The following TMEM116 variants were observed in gnomAD, a reference collection of about 807,000 sequenced individuals.
TMEM116 encodes transmembrane protein 116.
Under a neutral mutation model 44.3 loss-of-function variants are expected in TMEM116, and 38 were observed. That is an observed-to-expected ratio of 0.86 (90% CI 0.66 to 1.12). TMEM116 has a LOEUF of 1.12. Ranked by LOEUF, TMEM116 falls within the 50% of genes most tolerant of loss-of-function variation. The probability of loss-of-function intolerance (pLI) is 0.00; values close to 1 mark genes in which losing one functional copy is unlikely to be tolerated. For synonymous variants in TMEM116, 132 were observed against 144.8 expected (o/e 0.91, Z 0.64); for missense variants, 354 against 401.7 (o/e 0.88, Z 1.01).
At chr12:111,959,576 A>G (rs2074421555) in intron 4 of TMEM116, among the ~76,000 whole-genome samples, 1 of 152,206 alleles carries the variant, frequency 6.6e-6, no homozygotes, top group African/African-American at 2.4e-5. Flanking sequence ...GTCAAGACCC[A>G]TTGGTGTACT....
chr12:111,944,146 T>C (rs2073070201), intron 4 of TMEM116, among the ~76,000 whole-genome samples: 1 of 152,082 alleles, frequency 6.6e-6, no homozygotes, highest in Non-Finnish European at 1.5e-5. Context: ...ATCAAGGAAC[T>C]AGTAGGATAA....
At chr12:111,993,921 G>A in intron 3 of TMEM116, 1 of 697,216 alleles carries the variant, frequency 1.4e-6, no homozygotes, top group Non-Finnish European at 2.7e-6. Context: ...GGAAGGGAAT[G>A]TTTGTCTGTA....
At chr12:112,001,940 A>G (rs1593659618) in intron 3 of TMEM116, among the ~76,000 whole-genome samples, 1 of 152,182 alleles carries the variant, frequency 6.6e-6, no homozygotes, top group Non-Finnish European at 1.5e-5. Flanking sequence ...GCTGCATTCA[A>G]ATTCCAGCTC....
intron 3 of TMEM116, among the ~76,000 whole-genome samples, chr12:112,002,628 C>T (rs2077324864): frequency 6.6e-6 from 1 of 151,746 alleles, no homozygotes; most frequent in African/African-American, 2.4e-5. Flanking sequence ...TACTGTGTAA[C>T]TTGAACAAAT....
At chr12:111,948,590 G>A (rs934052024) in intron 4 of TMEM116, among the ~76,000 whole-genome samples, 1 of 152,150 alleles carries the variant, frequency 6.6e-6, no homozygotes, top group African/African-American at 2.4e-5. Context: ...CATAAAACAA[G>A]TGGCAGTATC....
intron 5 of TMEM116, among the ~76,000 whole-genome samples, chr12:111,940,531 A>ATATATATACACACACATATATATGTG (rs1565874089): frequency 8.6e-6 from 1 of 116,658 alleles, no homozygotes. Context: ...GTGTATATAT[A>ATATATATACACACACATATATATGTG]TATATATATA....
At chr12:111,959,277 C>G (rs2074397748) in intron 4 of TMEM116, among the ~76,000 whole-genome samples, 1 of 152,138 alleles carries the variant, frequency 6.6e-6, no homozygotes, top group South Asian at 2.1e-4. Flanking sequence ...TAAATAAAAT[C>G]CTTTACAGAC....
At chr12:111,952,278 GCT>G (rs1398416503) in intron 4 of TMEM116, among the ~76,000 whole-genome samples, 1 of 151,966 alleles carries the variant, frequency 6.6e-6, no homozygotes, top group Non-Finnish European at 1.5e-5. Flanking sequence ...TGCTGACTTG[GCT>G]CTCTCTGCTT....
rs1179452567 is a variant in TMEM116, at chr12:112,003,712, T to C, written c.78+88A>G. 42 of 1,447,938 alleles carry C rather than the reference T, an allele frequency of 2.9e-5. No homozygotes were observed. The highest frequency in any genetic ancestry group is 1.9e-4 in the African/African-American group (13 of 67,244). 89.7% of individuals were successfully genotyped at this position (1,447,938 alleles called of 1,614,324 possible). A position where few individuals can be genotyped will look rare whatever the true frequency, so the allele number is the denominator to read the frequency against. On this transcript the variant is annotated intron_variant, in intron 3 of 10. Transcript: ENST00000552374. The stretch of plus-strand genomic sequence containing the variant: ...AATTTAAAAGTAATTCATAGAATTA[T>C]TTCACCACTTACAGGTAACATCTGT...
At chr12:111,955,096 T>C (rs953798885) in intron 4 of TMEM116, among the ~76,000 whole-genome samples, 3 of 152,224 alleles carry the variant, frequency 2.0e-5, no homozygotes, top group East Asian at 1.9e-4. Context: ...TTAGTTTACA[T>C]AGGCCTCGGA....
rs1184826123 is a variant in TMEM116 at position 111,945,372 on chromosome 12, A to G, written c.211-2003T>C. On this transcript the variant is annotated intron_variant, in intron 4 of 10. Coordinates refer to ENST00000552374, the MANE Select transcript of TMEM116 (RefSeq NM_001193531.2). Reference sequence around the variant, plus strand: ...AAAAAAAAAAAAAAAAAAAAAAAGAAGAAGAAATAGGTAATTTCATTTACG... The same window carrying G: ...AAAAAAAAAAAAAAAAAAAAAAAGAGGAAGAAATAGGTAATTTCATTTACG... Among the ~76,000 whole-genome samples, 16 of 150,392 alleles carry G rather than the reference A, an allele frequency of 1.1e-4. No individual in the cohort carries two copies. In the Admixed American group the frequency reaches 1.1e-3, roughly 10 times the overall value.
chr12:112,010,750 C>T (rs906772624), intron 1 of TMEM116: 1 of 152,312 alleles, frequency 6.6e-6, no homozygotes, highest in Non-Finnish European at 1.5e-5. Flanking sequence ...GCTTGTTGAC[C>T]CATAGGTCTC....
At chr12:111,983,027 T>C (rs2136542793) in intron 4 of TMEM116, among the ~76,000 whole-genome samples, 1 of 152,320 alleles carries the variant, frequency 6.6e-6, no homozygotes, top group Non-Finnish European at 1.5e-5. Flanking sequence ...GACTCATGCC[T>C]GTAATCCCAC....
At chr12:111,994,076 T>C (rs1593603258) in intron 3 of TMEM116, among the ~76,000 whole-genome samples, 1 of 152,100 alleles carries the variant, frequency 6.6e-6, no homozygotes, top group South Asian at 2.1e-4. Flanking sequence ...TCAAAGCAAA[T>C]GTGGACTGAA....
intron 4 of TMEM116, among the ~76,000 whole-genome samples, chr12:111,979,631 A>G (rs1417441634): frequency 6.6e-6 from 1 of 152,234 alleles, no homozygotes; most frequent in Non-Finnish European, 1.5e-5. Context: ...GCCTCATTCA[A>G]AAAAATTTTG....
chr12:111,943,488 A>T (rs2073027650), intron 4 of TMEM116, 119 bp from the exon 5 acceptor site: 3 of 732,536 alleles, frequency 4.1e-6, no homozygotes, highest in Non-Finnish European at 6.9e-6. Context: ...TTAGTAATGT[A>T]CCATCTAGTG....
chr12:111,983,106 G>A (rs2076033825), intron 4 of TMEM116, among the ~76,000 whole-genome samples: 1 of 151,846 alleles, frequency 6.6e-6, no homozygotes, highest in Non-Finnish European at 1.5e-5. Flanking sequence ...GACTAGCCTG[G>A]GCAACATAGC....
intron 3 of TMEM116, among the ~76,000 whole-genome samples, chr12:111,992,180 A>G (rs1393861324): frequency 1.3e-5 from 2 of 152,236 alleles, no homozygotes; most frequent in Non-Finnish European, 2.9e-5. Context: ...AGGGTTAAAA[A>G]AAGAGTGGAA....
intron 4 of TMEM116, among the ~76,000 whole-genome samples, chr12:111,985,719 C>A (rs1261518925): frequency 6.6e-6 from 1 of 152,016 alleles, no homozygotes; most frequent in Admixed American, 6.6e-5. Flanking sequence ...TCCAGAGCCT[C>A]CAGAGTAGCT....
Sources: allele counts gnomAD v4.1 joint callset (sites outside exome capture counted in the v4.1 genomes callset), GRCh38; gene constraint gnomAD v4.1.1; transcripts MANE v1.5; gene names NCBI Gene and HGNC (gene_info 2026-07-23, HGNC 2026-07-21).